The following ZC3H12B variants were observed in gnomAD, a reference collection of about 807,000 sequenced individuals.
The protein encoded by ZC3H12B is zinc finger CCCH-type containing 12B, also known as probable ribonuclease ZC3H12B.
ZC3H12B carries 7 observed loss-of-function variants against 43.9 expected under a neutral mutation model. The ratio of observed to expected loss-of-function variants is 0.16; its 90% CI spans 0.09 to 0.30. The LOEUF is 0.30. Among genes scored for constraint, ZC3H12B ranks in the 10% least tolerant of loss-of-function variants. The pLI is 1.00. For missense variants in ZC3H12B, 475 were observed against 670.2 expected (o/e 0.71, Z 3.22); for synonymous variants, 222 against 241.7 (o/e 0.92, Z 0.76).
chrX:65,173,077 T>A, the ZC3H12B span, among the ~76,000 whole-genome samples: 17 of 112,213 alleles, frequency 1.5e-4, no homozygotes, highest in Non-Finnish European at 3.0e-4. Flanking sequence ...TTTCTCCATT[T>A]GTGTCCTCTC....
At chrX:65,444,358 T>C (rs1356362395) in intron 3 of ZC3H12B, among the ~76,000 whole-genome samples, 1 of 112,020 alleles carries the variant, frequency 8.9e-6, no homozygotes, top group Non-Finnish European at 1.9e-5. Flanking sequence ...TGGGAGGTTA[T>C]CGAATAATGG....
At chrX:65,219,599 C>T in the ZC3H12B span, among the ~76,000 whole-genome samples, 305 of 111,056 alleles carry the variant, frequency 2.7e-3, 3 homozygotes, top group African/African-American at 9.6e-3. Flanking sequence ...CCCAGTCCAA[C>T]AAAGACAAAA....
At chrX:65,481,878 C>T (rs979772793) in intron 3 of ZC3H12B, among the ~76,000 whole-genome samples, 4 of 111,467 alleles carry the variant, frequency 3.6e-5, no homozygotes, top group African/African-American at 9.8e-5. Flanking sequence ...GCCTCTTTCC[C>T]TCCTACTCCT....
At chrX:65,368,486 G>A (rs750917092) in intron 1 of ZC3H12B, among the ~76,000 whole-genome samples, 13 of 111,479 alleles carry the variant, frequency 1.2e-4, no homozygotes, top group African/African-American at 4.2e-4. Flanking sequence ...TTCTCTTTTT[G>A]AAAAATGGTA....
At chrX:65,177,089 T>A in the ZC3H12B span, among the ~76,000 whole-genome samples, 1 of 112,317 alleles carries the variant, frequency 8.9e-6, no homozygotes, top group African/African-American at 3.2e-5. Context: ...CATGATCAAG[T>A]CGGCTTTATT....
chrX:65,210,049 A>T, the ZC3H12B span, among the ~76,000 whole-genome samples: 181 of 48,300 alleles, frequency 3.7e-3, 3 homozygotes, highest in Non-Finnish European at 4.7e-3. Context: ...AATGGCAACA[A>T]AAGCCAAAAT....
chrX:65,478,004 A>G (rs1435824763), intron 3 of ZC3H12B, among the ~76,000 whole-genome samples: 2 of 110,651 alleles, frequency 1.8e-5, no homozygotes, highest in Admixed American at 1.9e-4. Context: ...TCTGCTGTTG[A>G]TCTCTCCAGT....
chrX:65,225,021 G>A, the ZC3H12B span, among the ~76,000 whole-genome samples: 1 of 111,815 alleles, frequency 8.9e-6, no homozygotes, highest in African/African-American at 3.3e-5. Flanking sequence ...GAAGACAGCA[G>A]TGGTTCTCCC....
intron 2 of ZC3H12B, among the ~76,000 whole-genome samples, chrX:65,383,735 A>G (rs2148014141): frequency 9.0e-6 from 1 of 111,464 alleles, no homozygotes; most frequent in Admixed American, 9.6e-5. Context: ...AGAATCTACA[A>G]TGAACTCAAA....
At chrX:65,243,702 A>T in the ZC3H12B span, among the ~76,000 whole-genome samples, 1 of 112,619 alleles carries the variant, frequency 8.9e-6, no homozygotes, top group Non-Finnish European at 1.9e-5. Flanking sequence ...CACAATATCC[A>T]AGATACGGAA....
intron 3 of ZC3H12B, among the ~76,000 whole-genome samples, chrX:65,444,291 C>T (rs1410713437): frequency 1.8e-5 from 2 of 112,316 alleles, no homozygotes; most frequent in Non-Finnish European, 1.9e-5. Flanking sequence ...ATAGGTTTGG[C>T]TGTGTCCCCA....
At chrX:65,429,429 T>C (rs1349830874) in intron 3 of ZC3H12B, among the ~76,000 whole-genome samples, 2 of 112,790 alleles carry the variant, frequency 1.8e-5, no homozygotes, top group Admixed American at 9.3e-5. Context: ...ATCAGAGCTC[T>C]GTCTGTAGAA....
the ZC3H12B span, among the ~76,000 whole-genome samples, chrX:65,104,257 C>A: frequency 8.9e-6 from 1 of 111,832 alleles, no homozygotes; most frequent in East Asian, 2.8e-4. Flanking sequence ...ACACCTTATG[C>A]AAAAATTAAT....
chrX:65,148,829 G>T, the ZC3H12B span, among the ~76,000 whole-genome samples: 1 of 111,732 alleles, frequency 8.9e-6, no homozygotes, highest in African/African-American at 3.2e-5. Flanking sequence ...TGTATGTATA[G>T]TTACTCAAAT....
chrX:65,344,533 C>T, the ZC3H12B span, among the ~76,000 whole-genome samples: 1 of 112,235 alleles, frequency 8.9e-6, no homozygotes, highest in Non-Finnish European at 1.9e-5. Flanking sequence ...AAGATTGAAA[C>T]TAGAACCATT....
At chrX:65,040,731 T>C in the ZC3H12B span, among the ~76,000 whole-genome samples, 1 of 111,382 alleles carries the variant, frequency 9.0e-6, no homozygotes, top group African/African-American at 3.3e-5. Context: ...TGTAAAGAGA[T>C]ATTTCTAAAG....
At chrX:65,198,509 TATACTATTCTGAG>T in the ZC3H12B span, among the ~76,000 whole-genome samples, 10 of 112,128 alleles carry the variant, frequency 8.9e-5, no homozygotes, top group East Asian at 2.8e-3. Flanking sequence ...TTTTGGTGCA[TATACTATTCTGAG>T]ATAAAAGTTT....
At chrX:65,477,815 CTCTGTG>C (rs1159521396) in intron 3 of ZC3H12B, among the ~76,000 whole-genome samples, 1 of 95,028 alleles carries the variant, frequency 1.1e-5, no homozygotes, top group Non-Finnish European at 2.0e-5. Flanking sequence ...AAAAACATTC[CTCTGTG>C]TGTGTGTGTG....
chrX:65,256,663 G>T, the ZC3H12B span, among the ~76,000 whole-genome samples: 2 of 111,491 alleles, frequency 1.8e-5, no homozygotes, highest in East Asian at 5.6e-4. Context: ...CCCCAAGCTA[G>T]CAGAAGACAA....
Sources: allele counts gnomAD v4.1 joint callset (sites outside exome capture counted in the v4.1 genomes callset), GRCh38; gene constraint gnomAD v4.1.1; transcripts MANE v1.5; gene names NCBI Gene and HGNC (gene_info 2026-07-23, HGNC 2026-07-21).